QTGAL: variants seen among roughly 807,000 people sequenced by gnomAD.
The protein encoded by QTGAL is queuosine-tRNA galactosyltransferase.
the QTGAL span, among the ~76,000 whole-genome samples, chr17:82,952,900 C>G: frequency 6.6e-6 from 1 of 152,132 alleles, no homozygotes; most frequent in Admixed American, 6.5e-5. Flanking sequence ...AACCCAAAAT[C>G]GCAGAACTAC....
chr17:82,996,707 C>A, the QTGAL span, among the ~76,000 whole-genome samples: 2 of 151,960 alleles, frequency 1.3e-5, no homozygotes, highest in Admixed American at 1.3e-4. Context: ...CACATAGATC[C>A]GTGGAACAGA....
the QTGAL span, among the ~76,000 whole-genome samples, chr17:82,977,417 T>C: frequency 6.6e-6 from 1 of 152,122 alleles, no homozygotes; most frequent in African/African-American, 2.4e-5. Context: ...CTCCGGGTGC[T>C]CAGTGTTGGG....
the QTGAL span, among the ~76,000 whole-genome samples, chr17:83,050,252 C>T: frequency 6.6e-6 from 1 of 152,144 alleles, no homozygotes; most frequent in Non-Finnish European, 1.5e-5. Flanking sequence ...TGCCTGTAAT[C>T]CCAGCTACTC....
chr17:83,050,733 G>C, the QTGAL span, among the ~76,000 whole-genome samples: 2 of 152,212 alleles, frequency 1.3e-5, no homozygotes, highest in East Asian at 1.9e-4. Context: ...AGGTGTTCGG[G>C]GCTTAAGGGC....
At chr17:83,022,231 ACATGGCCC>A in the QTGAL span, among the ~76,000 whole-genome samples, 4 of 152,334 alleles carry the variant, frequency 2.6e-5, no homozygotes, top group African/African-American at 7.2e-5. Context: ...TCATCAAAAG[ACATGGCCC>A]CACGTACACC....
the QTGAL span, among the ~76,000 whole-genome samples, chr17:82,955,218 C>G: frequency 6.6e-6 from 1 of 152,064 alleles, no homozygotes; most frequent in African/African-American, 2.4e-5. Flanking sequence ...TTTCTGCAAT[C>G]TGTCCATCTG....
At chr17:83,005,788 C>T in the QTGAL span, 1,317 of 1,011,724 alleles carry the variant, frequency 1.3e-3, 6 homozygotes, top group South Asian at 1.7e-3. This position sits in a 1 kb window ranked among gnomAD's most constrained non-coding sequence, Gnocchi z 5.6. Context: ...GCCTTGACCC[C>T]CTCCCGGGCC....
the QTGAL span, among the ~76,000 whole-genome samples, chr17:82,960,833 ACCCTGGCGCT>A: frequency 1.3e-5 from 2 of 152,200 alleles, no homozygotes; most frequent in Non-Finnish European, 2.9e-5. Flanking sequence ...TTCGGCCTTC[ACCCTGGCGCT>A]CCCTGGCGCC....
chr17:82,957,365 C>T, the QTGAL span: 3 of 1,613,138 alleles, frequency 1.9e-6, no homozygotes, highest in African/African-American at 4.0e-5. Context: ...TCACCTTGCG[C>T]TGGCTGCCGG....
At chr17:82,959,343 T>A in the QTGAL span, among the ~76,000 whole-genome samples, 3 of 151,758 alleles carry the variant, frequency 2.0e-5, no homozygotes, top group Non-Finnish European at 4.4e-5. Flanking sequence ...CAGATGTGTG[T>A]ACATGCAGTG....
At chr17:82,953,870 A>G in the QTGAL span, among the ~76,000 whole-genome samples, 346 of 152,366 alleles carry the variant, frequency 2.3e-3, 4 homozygotes, top group African/African-American at 7.7e-3. Context: ...AACATAATCC[A>G]TCACATAAAC....
the QTGAL span, among the ~76,000 whole-genome samples, chr17:83,000,220 G>A: frequency 8.7e-4 from 133 of 152,116 alleles, no homozygotes; most frequent in African/African-American, 3.0e-3. Context: ...CTTGGCCTCC[G>A]AAAGCGCTGG....
the QTGAL span, among the ~76,000 whole-genome samples, chr17:82,996,164 C>G: frequency 6.6e-6 from 1 of 152,204 alleles, no homozygotes; most frequent in Non-Finnish European, 1.5e-5. Context: ...AATATCTATA[C>G]TACCCAAAGC....
chr17:83,044,471 T>G, the QTGAL span, among the ~76,000 whole-genome samples: 1 of 152,172 alleles, frequency 6.6e-6, no homozygotes, highest in Non-Finnish European at 1.5e-5. Flanking sequence ...AGACTAGAAT[T>G]AAAAGGAAAC....
the QTGAL span, among the ~76,000 whole-genome samples, chr17:83,007,651 G>A: frequency 1.5e-4 from 23 of 152,210 alleles, no homozygotes; most frequent in African/African-American, 4.6e-4. Flanking sequence ...CCTCTCGGAC[G>A]GGGGCTGATT....
the QTGAL span, among the ~76,000 whole-genome samples, chr17:82,959,826 G>C: frequency 6.6e-6 from 1 of 152,064 alleles, no homozygotes; most frequent in Admixed American, 6.5e-5. Flanking sequence ...CCCATCGTAG[G>C]AAGGTAAAAT....
chr17:82,977,827 C>T, the QTGAL span, among the ~76,000 whole-genome samples: 2 of 152,184 alleles, frequency 1.3e-5, no homozygotes, highest in South Asian at 2.1e-4. Flanking sequence ...TTCACGCTGC[C>T]CATGTCACAC....
At chr17:83,038,079 C>T in the QTGAL span, among the ~76,000 whole-genome samples, 1 of 152,156 alleles carries the variant, frequency 6.6e-6, no homozygotes, top group African/African-American at 2.4e-5. Context: ...TCCGTTAGTG[C>T]ATGAATCGTA....
At chr17:83,035,896 C>A in the QTGAL span, among the ~76,000 whole-genome samples, 2 of 105,054 alleles carry the variant, frequency 1.9e-5, no homozygotes, top group African/African-American at 5.6e-5. Flanking sequence ...TGGTGGAGGT[C>A]ACTGAGGTAG....
Sources: allele counts gnomAD v4.1 joint callset (sites outside exome capture counted in the v4.1 genomes callset), GRCh38; gene constraint gnomAD v4.1.1; non-coding constraint Gnocchi (gnomAD v3.1); transcripts MANE v1.5; gene names NCBI Gene and HGNC (gene_info 2026-07-23, HGNC 2026-07-21).